The following TTN variants were observed in gnomAD, a reference collection of about 807,000 sequenced individuals.
TTN encodes the protein connectin.
A neutral mutation model predicts 3,223.0 loss-of-function variants in TTN; 1,525 were observed. The observed-to-expected ratio is 0.47, with a 90% confidence interval of 0.45 to 0.49. The LOEUF is 0.49. TTN is among the 20% of genes least tolerant of loss of function. The probability of loss-of-function intolerance (pLI) is 0.00; values close to 1 mark genes in which losing one functional copy is unlikely to be tolerated. For synonymous variants in TTN, 14,094 were observed against 15,161.0 expected, an observed-to-expected ratio of 0.93 and a Z score of 5.17; for missense variants, 40,786 against 43,424.0, an observed-to-expected ratio of 0.94 and a Z score of 5.40.
At position 178,565,741 on chromosome 2, in the gene TTN, T is replaced by C. The variant is rs756584357; in HGVS notation, c.80391A>G (p.Ala26797=). 6.2e-7 allele frequency: 1 copy of C among 1,613,586 alleles called. No homozygotes were observed. The highest frequency in any genetic ancestry group is 1.7e-5 in the Admixed American group (1 of 59,994). Residue 26797 remains alanine (A), a synonymous_variant, in exon 326 of 363, where the codon GCA becomes GCG. Coordinates refer to ENST00000589042, the MANE Select transcript of TTN (RefSeq NM_001267550.2). ...GTTCAGGTTTCTCCCACATAAGTGATGCACTGGTCTGGGACACATCAGTGA... is the reference window on the plus strand; with the variant it reads ...GTTCAGGTTTCTCCCACATAAGTGACGCACTGGTCTGGGACACATCAGTGA... ...VTLTDVSQTS[A]SLMWEKPEHD...
rs397517759 is a variant in TTN at position 178,546,799 on chromosome 2, T to C, written c.94629A>G (p.Ile31543Met). The C allele has an allele frequency of 5.3e-5, 86 of 1,613,608 alleles. 2 individuals are homozygous for C. The South Asian group carries it at 6.8e-4, about 13-fold the overall frequency. Residue 31543 changes from isoleucine (I) to methionine (M), a missense_variant, in exon 341 of 363, where the codon ATA becomes ATG. By Grantham distance (10) the Ile-to-Met change is conservative. Transcript: ENST00000589042. ...CTACCTCACTGACTGGCTTACGCTC[T>C]ATGATGTAGCCCACAACCTTGCTGC... is the stretch of plus-strand genomic sequence containing the variant. ...DGGSKVVGYI[I>M]ERKPVSEVGD...
In TTN at chr2:178,548,399, T is replaced by C. The variant is rs1186129682; in HGVS notation, c.93227A>G (p.Lys31076Arg). The change falls in exon 339 of 363, where the codon AAG becomes AGG. Residue 31076 changes from lysine (K) to arginine (R), a missense_variant. Transcript: ENST00000589042. This position sits in a 1 kb window ranked among gnomAD's most constrained non-coding sequence, Gnocchi z 4.3. ...ISEKCTRQIF[K>R]VNDLAEGVPY... ...AACACCTTCGGCCAGGTCATTGACC[T>C]TGAAGATCTGACGAGTGCATTTTTC... The C allele has an allele frequency of 6.2e-7, 1 of 1,613,866 alleles. No homozygotes were observed. The highest frequency in any genetic ancestry group is 1.6e-4 in the Middle Eastern group (1 of 6,062).
Position 178,698,916 on chromosome 2 carries a change from T to TG in TTN, c.30683-3_30683-2insC. ...CTTTCTTCACAGCCTTTTTGGTAAC[T>TG]AAAAAAAAAAAAAAAGAAAAAAAAA... On this transcript the variant is annotated splice_polypyrimidine_tract_variant and splice_region_variant and intron_variant, in intron 111 of 362. Transcript: ENST00000589042. The TG allele has an allele frequency of 7.6e-7, 1 of 1,313,996 alleles. No individual in the cohort carries two copies. Among genetic ancestry groups the TG allele is most frequent in the Non-Finnish European group, 9.8e-7 (1 of 1,020,732 alleles). 81.4% of individuals were successfully genotyped at this position (1,313,996 alleles called of 1,614,324 possible). A position where few individuals can be genotyped will look rare whatever the true frequency, so the allele number is the denominator to read the frequency against.
rs577277181 is a variant in TTN, at chr2:178,625,980, G to C, written c.44425-584C>G. The stretch of plus-strand genomic sequence containing the variant: ...CATTTGTGGTCTTTTTTGCATATGC[G>C]TAGATATACAGCACATATAGTATAT... On this transcript the variant is annotated intron_variant, in intron 240 of 362. Transcript: ENST00000589042. Among the ~76,000 whole-genome samples, 16 of 151,940 alleles carry C rather than the reference G, an allele frequency of 1.1e-4. No homozygotes were observed. In the East Asian group the frequency reaches 2.9e-3, roughly 28 times the overall value.
Position 178,790,799 on chromosome 2 carries a change from G to C in TTN, c.1709C>G (p.Ala570Gly). 6.2e-7 allele frequency: 1 copy of C among 1,614,060 alleles called. No individual in the cohort carries two copies. Among genetic ancestry groups the C allele is most frequent in the Non-Finnish European group, 8.5e-7 (1 of 1,179,982 alleles). Residue 570 changes from alanine (A) to glycine (G), a missense_variant, in exon 11 of 363, where the codon GCC becomes GGC. Physicochemically the swap from Ala to Gly is moderately conservative, Grantham distance 60 (BLOSUM62 0). Coordinates refer to ENST00000589042, the MANE Select transcript of TTN (RefSeq NM_001267550.2). Reference sequence around the variant, plus strand: ...TTCTAGTTTTGTGGACTTTGCAGTGGCAACTACCACCATGGATGCAGCAGT... The same window carrying C: ...TTCTAGTTTTGTGGACTTTGCAGTGCCAACTACCACCATGGATGCAGCAGT... ...EITAASMVVV[A>G]TAKSTKLETV...
At chr2:178,596,836 C>T (rs1271077699) in intron 294 of TTN, among the ~76,000 whole-genome samples, 5 of 151,964 alleles carry the variant, frequency 3.3e-5, no homozygotes, top group Non-Finnish European at 5.9e-5. Flanking sequence ...GCTTCGTGTT[C>T]TGAGCAAATC....
At position 178,587,331 on chromosome 2, in the gene TTN, C is replaced by G; in HGVS notation, c.63880G>C (p.Gly21294Arg). The G allele has an allele frequency of 1.9e-6, 3 of 1,612,710 alleles. No homozygotes were observed. Among genetic ancestry groups the G allele is most frequent in the Non-Finnish European group, 2.5e-6 (3 of 1,179,344 alleles). Residue 21294 changes from glycine (G) to arginine (R), a missense_variant, in exon 307 of 363, where the codon GGT (glycine) becomes CGT (arginine). Gly to Arg is a moderately radical substitution (Grantham distance 125). Coordinates refer to ENST00000589042, the MANE Select transcript of TTN (RefSeq NM_001267550.2). ...ATATAATGTGTCACTTGGCTCCCAC[C>G]GTCGTTTTCAGGAGGGGCCCAGGAC... ...HVSWAPPEND[G>R]GSQVTHYIVE...
rs890698023 is a variant in TTN at position 178,539,608 on chromosome 2, A to G, written c.98457T>C (p.Pro32819=). The change falls in exon 352 of 363, where the codon CCT becomes CCC. Residue 32819 remains proline, a synonymous_variant. Transcript: ENST00000589042. ...QVRSVRVSWR[P]PADDGGADIL... ...TGTCAGCACCACCATCATCAGCAGG[A>G]GGTCTCCAGCTGACCCTCACAGAGC... is the stretch of plus-strand genomic sequence containing the variant. 1 of 1,613,880 alleles carries G rather than the reference A, an allele frequency of 6.2e-7. No homozygotes were observed. Among genetic ancestry groups the G allele is most frequent in the Non-Finnish European group, 8.5e-7 (1 of 1,179,798 alleles).
Position 178,556,908 on chromosome 2 carries a change from C to A in TTN, c.88246G>T (p.Val29416Phe), listed in dbSNP as rs755325663. The change falls in exon 330 of 363, where the codon GTT (valine) becomes TTT (phenylalanine). Residue 29416 changes from valine to phenylalanine, a missense_variant. Val to Phe is a conservative substitution (Grantham distance 50). Coordinates refer to ENST00000589042, the MANE Select transcript of TTN (RefSeq NM_001267550.2). The part of the protein sequence containing the change: ...YEFRVFARNA[V>F]GSISNPSEVV... ...TCAGATGGATTGCTAATGGAACCAACAGCATTCCTAGCAAAGACACGGAAT... is the reference window on the plus strand; with the variant it reads ...TCAGATGGATTGCTAATGGAACCAAAAGCATTCCTAGCAAAGACACGGAAT... 1.4e-5 allele frequency: 22 copies of A among 1,613,680 alleles called. No homozygotes were observed. In the African/African-American group the frequency reaches 2.7e-4, roughly 20 times the overall value.
At chr2:178,680,084 A>G in intron 139 of TTN, 29 bp from the exon 140 acceptor site, 1 of 1,608,482 alleles carries the variant, frequency 6.2e-7, no homozygotes, top group Non-Finnish European at 8.5e-7. Context: ...TAAGTTGGAC[A>G]TTTGCCAATG....
rs1008265860 is a variant in TTN, at chr2:178,579,108, A to G, written c.67922T>C (p.Val22641Ala). 4 of 1,613,400 alleles carry G rather than the reference A, an allele frequency of 2.5e-6. No individual in the cohort carries two copies. Among genetic ancestry groups the G allele is most frequent in the Non-Finnish European group, 3.4e-6 (4 of 1,179,564 alleles). The stretch of plus-strand genomic sequence containing the variant: ...TCCAGTGGGGATGCCAGGCTTGCCA[A>G]CAACCTTTATGGAGATAGTTCCTTC... ...TKEGTISIKV[V>A]GKPGIPTGPI... Residue 22641 changes from valine to alanine, a missense_variant, in exon 320 of 363, where the codon GTT becomes GCT. Physicochemically the swap from Val to Ala is moderately conservative, Grantham distance 64 (BLOSUM62 0). Coordinates refer to ENST00000589042, the MANE Select transcript of TTN (RefSeq NM_001267550.2).
intron 63 of TTN, 36 bp downstream of exon 63, chr2:178,729,628 C>T: frequency 6.2e-7 from 1 of 1,613,484 alleles, no homozygotes; most frequent in Non-Finnish European, 8.5e-7. Flanking sequence ...TATCAGGCAG[C>T]ACAGCCAAAA....
intron 10 of TTN, among the ~76,000 whole-genome samples, chr2:178,791,539 G>C (rs2093493480): frequency 6.6e-6 from 1 of 151,988 alleles, no homozygotes; most frequent in Non-Finnish European, 1.5e-5. Context: ...CTAGGTCACT[G>C]TTTATCAACC....
chr2:178,620,472 CTG>C lies in TTN; in HGVS notation c.46047_46048del (p.Tyr15349Ter). On this transcript the variant is annotated stop_gained and frameshift_variant, in exon 248 of 363. Transcript: ENST00000589042. LOFTEE classifies it high-confidence loss of function. ...TAACATGTGCTTGTACTTATCAACT[CTG>C]TATGAGACACGGTTGTCAAAAGGCA... The C allele has an allele frequency of 6.2e-7, 1 of 1,612,376 alleles. No homozygotes were observed. Among genetic ancestry groups the C allele is most frequent in the Non-Finnish European group, 8.5e-7 (1 of 1,178,978 alleles).
chr2:178,720,323 ATTAG>A, intron 80 of TTN, 58 bp downstream of exon 80: 3 of 1,592,106 alleles, frequency 1.9e-6, no homozygotes, highest in Non-Finnish European at 8.6e-7. Context: ...CACACAAGTT[ATTAG>A]TTAGGCAAGA....
rs2076096323 is a variant in TTN at position 178,707,794 on chromosome 2, T to C, written c.28773A>G (p.Val9591=). ...IVIKEPKKPP[V]FDQHLTPVTV... ...TTACTGGAGTAAGGTGCTGATCAAA[T>C]ACAGGTGGCTTCTTAGGTTCTGGAA... The change falls in exon 100 of 363, where the codon GTA becomes GTG. Residue 9591 remains valine (V), a synonymous_variant. Coordinates refer to ENST00000589042, the MANE Select transcript of TTN (RefSeq NM_001267550.2). The C allele has an allele frequency of 6.3e-7, 1 of 1,596,416 alleles. No homozygotes were observed. Among genetic ancestry groups the C allele is most frequent in the Non-Finnish European group, 8.6e-7 (1 of 1,167,972 alleles).
chr2:178,534,534 G>A lies in TTN; in HGVS notation c.102081C>T (p.Ile34027=). Residue 34027 remains isoleucine, a synonymous_variant, in exon 358 of 363, where the codon ATC becomes ATT. Coordinates refer to ENST00000589042, the MANE Select transcript of TTN (RefSeq NM_001267550.2). The part of the protein sequence containing the change: ...AETNQQIIEN[I]MNAEYTFDEE... Reference sequence around the variant, plus strand: ...CATCGAAAGTATATTCAGCATTCATGATATTCTCAATGATCTGTTGGTTAG... The same window carrying A: ...CATCGAAAGTATATTCAGCATTCATAATATTCTCAATGATCTGTTGGTTAG... 6.2e-7 allele frequency: 1 copy of A among 1,613,830 alleles called. No individual in the cohort carries two copies. Among genetic ancestry groups the A allele is most frequent in the South Asian group, 1.1e-5 (1 of 91,068 alleles).
In TTN at chr2:178,600,932, G is replaced by A. The variant is rs764985774; in HGVS notation, c.55972C>T (p.Arg18658Ter). 3 of 1,612,898 alleles carry A rather than the reference G, an allele frequency of 1.9e-6. No individual in the cohort carries two copies. The highest frequency in any genetic ancestry group is 1.1e-5 in the South Asian group (1 of 91,028). The change falls in exon 288 of 363, where the codon CGA becomes TGA. Residue 18658 changes from arginine to a stop codon, truncating the protein, a stop_gained. Coordinates refer to ENST00000589042, the MANE Select transcript of TTN (RefSeq NM_001267550.2). LOFTEE classifies it high-confidence loss of function. ...DLVEGGEYEF[R>*]VKAVNAAGVS... The stretch of plus-strand genomic sequence containing the variant: ...CCTGCAGCATTGACAGCTTTGACTC[G>A]GAATTCATATTCCCCACCCTCTACT...
In TTN at chr2:178,701,509, T is replaced by G; in HGVS notation, c.30598+19A>C. On this transcript the variant is annotated intron_variant, in intron 110 of 362. Coordinates refer to ENST00000589042, the MANE Select transcript of TTN (RefSeq NM_001267550.2). ...AATATTGCTGCTCCAAGCTCAGATG[T>G]TGAGGTTCTGGGTCTTACCTTCTGG... The G allele has an allele frequency of 6.2e-7, 1 of 1,606,780 alleles. No homozygotes were observed. The highest frequency in any genetic ancestry group is 2.2e-5 in the East Asian group (1 of 44,824).
Sources: gnomAD v4.1 joint callset for allele counts (sites outside exome capture counted in the v4.1 genomes callset) on GRCh38, gnomAD v4.1.1 for gene constraint, Gnocchi (gnomAD v3.1) non-coding constraint, MANE v1.5 for transcripts, NCBI Gene and HGNC (gene_info 2026-07-23, HGNC 2026-07-21) for gene names.